FBXW4: variants seen among roughly 807,000 people sequenced by gnomAD.
The protein encoded by FBXW4 is F-box and WD repeat domain containing 4, also known as F-box/WD repeat-containing protein 4.
In FBXW4, 40 loss-of-function variants were observed where a neutral mutation model predicts 61.8. The observed-to-expected ratio is 0.65, with a 90% CI of 0.50 to 0.84. The LOEUF (loss-of-function observed/expected upper bound fraction) is 0.84, where lower values mean the gene tolerates loss of function less well. Ranked by LOEUF, FBXW4 falls within the 40% of genes least tolerant of loss-of-function variation. The pLI is 0.00. For synonymous variants in FBXW4, 311 were observed against 313.8 expected, an observed-to-expected ratio of 0.99 and a Z score of 0.10; for missense variants, 672 against 753.8, an observed-to-expected ratio of 0.89 and a Z score of 1.27.
chr10:101,658,927 A>G (rs890505313), intron 5 of FBXW4, among the ~76,000 whole-genome samples: 1 of 152,022 alleles, frequency 6.6e-6, no homozygotes, highest in Non-Finnish European at 1.5e-5. Context: ...GAGTATTATC[A>G]TGACAAGGCC....
At chr10:101,625,941 CCA>C (rs1466763485) in intron 5 of FBXW4, 8 of 152,224 alleles carry the variant, frequency 5.3e-5, no homozygotes, top group African/African-American at 1.9e-4. Flanking sequence ...AGATGGATTT[CCA>C]CAGAGAGGGC....
chr10:101,635,320 T>C (rs982737747), intron 5 of FBXW4, among the ~76,000 whole-genome samples: 6 of 127,088 alleles, frequency 4.7e-5, no homozygotes, highest in Non-Finnish European at 1.0e-4. Context: ...TATGGTGAGT[T>C]GTATAATTAT....
Position 101,694,772 on chromosome 10 carries a change from C to T in FBXW4, c.334G>A (p.Ala112Thr). 7.4e-7 allele frequency: 1 copy of T among 1,349,418 alleles called. No homozygotes were observed. Among genetic ancestry groups the T allele is most frequent in the Non-Finnish European group, 9.5e-7 (1 of 1,058,060 alleles). 83.6% of individuals were successfully genotyped at this position (1,349,418 alleles called of 1,614,324 possible). ...VEGSAGAGKE[A>T]QGREYGKKEE... The stretch of plus-strand genomic sequence containing the variant: ...TTCTTCCCATACTCTCTTCCTTGTG[C>T]CTCCTTCCCGGCCCCTGCGCTCCCC... The change falls in exon 1 of 9, where the codon GCA (alanine) becomes ACA (threonine). Residue 112 changes from alanine (A) to threonine (T), a missense_variant. This residue lies in a region of FBXW4 where 311 missense variants were observed against 301.1 expected (regional missense o/e 1.03). Coordinates refer to ENST00000331272, the MANE Select transcript of FBXW4 (RefSeq NM_022039.4). This position sits in a 1 kb window ranked among gnomAD's most constrained non-coding sequence, Gnocchi z 6.0.
chr10:101,618,769 C>T (rs1021396032), intron 6 of FBXW4, among the ~76,000 whole-genome samples: 7 of 152,278 alleles, frequency 4.6e-5, no homozygotes, highest in South Asian at 2.1e-4. Flanking sequence ...ACTATGACAC[C>T]TTCAGGTCTG....
At chr10:101,638,708 A>G (rs2064024942) in intron 5 of FBXW4, among the ~76,000 whole-genome samples, 1 of 152,262 alleles carries the variant, frequency 6.6e-6, no homozygotes, top group Non-Finnish European at 1.5e-5. Flanking sequence ...GTTGCATATT[A>G]GTAGCACACT....
chr10:101,692,044 A>T (rs2064609684), intron 1 of FBXW4, among the ~76,000 whole-genome samples: 1 of 152,168 alleles, frequency 6.6e-6, no homozygotes, highest in South Asian at 2.1e-4. Flanking sequence ...ATATGTAAGA[A>T]CTTTATCATG....
chr10:101,625,296 T>C (rs994392420), intron 5 of FBXW4: 3 of 184,336 alleles, frequency 1.6e-5, no homozygotes, highest in Non-Finnish European at 3.5e-5. Context: ...AATCTGGTAA[T>C]GTGGTATAAG....
At chr10:101,617,084 G>A (rs1030759953) in intron 6 of FBXW4, among the ~76,000 whole-genome samples, 6 of 152,130 alleles carry the variant, frequency 3.9e-5, no homozygotes, top group African/African-American at 7.2e-5. Flanking sequence ...AGTAGCCACC[G>A]CAGCAACAGC....
intron 1 of FBXW4, among the ~76,000 whole-genome samples, chr10:101,681,326 T>A (rs1204457540): frequency 6.6e-6 from 1 of 150,406 alleles, no homozygotes; most frequent in East Asian, 1.9e-4. Context: ...AGGTGGAGGT[T>A]GCAGTGAGCC....
At chr10:101,644,597 A>C (rs1337418765) in intron 5 of FBXW4, among the ~76,000 whole-genome samples, 1 of 152,118 alleles carries the variant, frequency 6.6e-6, no homozygotes, top group Non-Finnish European at 1.5e-5. Flanking sequence ...CTGGGGCTGG[A>C]GCTCACATCA....
Position 101,612,482 on chromosome 10 carries a change from GA to G in FBXW4, c.1302-6del. On this transcript the variant is annotated splice_polypyrimidine_tract_variant and splice_region_variant and intron_variant, in intron 6 of 8. Transcript: ENST00000331272. The stretch of plus-strand genomic sequence containing the variant: ...AAGTGTGTCATCAGCTGCCCACTGG[GA>G]AGGGAAGGACGGAGTGAGAGGCTGC... 6.4e-7 allele frequency: 1 copy of G among 1,562,428 alleles called. No individual in the cohort carries two copies. The highest frequency in any genetic ancestry group is 8.7e-7 in the Non-Finnish European group (1 of 1,152,224).
In FBXW4 at chr10:101,660,119, C is replaced by T. The variant is rs898642728; in HGVS notation, c.1235+7767G>A. 26 of 985,214 alleles carry T rather than the reference C, an allele frequency of 2.6e-5. No homozygotes were observed. The South Asian group carries it at 1.2e-3, about 46-fold the overall frequency. The allele number at this position is 985,214 out of a possible 1,614,324, so 61.0% of individuals were successfully genotyped here. A position where few individuals can be genotyped will look rare whatever the true frequency, so the allele number is the denominator to read the frequency against. On this transcript the variant is annotated intron_variant, in intron 5 of 8. Coordinates refer to ENST00000331272, the MANE Select transcript of FBXW4 (RefSeq NM_022039.4). ...TCGGAGTCAGATTGAAGTGTGTGTC[C>T]CTTGAAGAGCTGAGAAAGCACAGGT...
chr10:101,672,379 G>A (rs916383640), intron 4 of FBXW4, among the ~76,000 whole-genome samples: 6 of 152,170 alleles, frequency 3.9e-5, no homozygotes, highest in Admixed American at 3.9e-4. Flanking sequence ...ATGCCTTGGT[G>A]GATATCTGTG....
intron 6 of FBXW4, among the ~76,000 whole-genome samples, chr10:101,617,304 C>T (rs1257760136): frequency 6.6e-6 from 1 of 152,176 alleles, no homozygotes; most frequent in Non-Finnish European, 1.5e-5. Context: ...ACAGACAATG[C>T]AGCCACTCCA....
At position 101,634,915 on chromosome 10, in the gene FBXW4, C is replaced by T. The variant is rs753951297; in HGVS notation, c.1236-10105G>A. Among the ~76,000 whole-genome samples, 16 of 149,350 alleles carry T rather than the reference C, an allele frequency of 1.1e-4. 2 individuals are homozygous for T. Among genetic ancestry groups the T allele is most frequent in the Admixed American group, 3.3e-4 (5 of 15,014 alleles). On this transcript the variant is annotated intron_variant, in intron 5 of 8. Transcript: ENST00000331272. ...CCTACAAATAACAAAAACTTCTACA[C>T]AACAGAAGACATCAAAAACAACAAG...
chr10:101,694,835 C>G lies in FBXW4; in HGVS notation c.271G>C (p.Val91Leu). ...PREEAEGGRS[V>L]EEGARGIVKG... ...ACGATGCCTCTCGCCCCTTCCTCCA[C>G]GCTTCTGCCTCCCTCTGCTTCCTCC... Residue 91 changes from valine to leucine, a missense_variant, in exon 1 of 9, where the codon GTG becomes CTG. Val to Leu is a conservative substitution (Grantham distance 32). Coordinates refer to ENST00000331272, the MANE Select transcript of FBXW4 (RefSeq NM_022039.4). This position sits in a 1 kb window ranked among gnomAD's most constrained non-coding sequence, Gnocchi z 6.0. 9 of 1,300,874 alleles carry G rather than the reference C, an allele frequency of 6.9e-6. No homozygotes were observed. The highest frequency in any genetic ancestry group is 8.8e-6 in the Non-Finnish European group (9 of 1,027,946). The allele number at this position is 1,300,874 out of a possible 1,614,324, so 80.6% of individuals were successfully genotyped here.
intron 5 of FBXW4, among the ~76,000 whole-genome samples, chr10:101,666,638 G>C (rs1387459450): frequency 1.3e-5 from 2 of 152,190 alleles, no homozygotes; most frequent in Admixed American, 1.3e-4. Flanking sequence ...AAGATCCTAG[G>C]AAAATGTTGT....
At chr10:101,651,864 C>G (rs569303120) in intron 5 of FBXW4, among the ~76,000 whole-genome samples, 1 of 152,260 alleles carries the variant, frequency 6.6e-6, no homozygotes, top group Admixed American at 6.5e-5. Context: ...CATTGTCTCT[C>G]CTCTGTGCTA....
At chr10:101,683,479 T>C (rs2064500741) in intron 1 of FBXW4, among the ~76,000 whole-genome samples, 1 of 152,136 alleles carries the variant, frequency 6.6e-6, no homozygotes, top group Non-Finnish European at 1.5e-5. Flanking sequence ...CAACACAACA[T>C]GCACCCACAG....
Sources: gnomAD v4.1 joint callset for allele counts (sites outside exome capture counted in the v4.1 genomes callset) on GRCh38, gnomAD v4.1.1 for gene constraint, gnomAD v4.1.1 regional missense constraint, Gnocchi (gnomAD v3.1) non-coding constraint, MANE v1.5 for transcripts, NCBI Gene and HGNC (gene_info 2026-07-23, HGNC 2026-07-21) for gene names.